Variants in RPH3AL observed in about 807,000 individuals in gnomAD.
RPH3AL encodes the protein rab effector Noc2.
In RPH3AL, 38 loss-of-function variants were observed where a neutral mutation model predicts 43.1. That is an observed-to-expected ratio of 0.88 (90% CI 0.68 to 1.15). The LOEUF (loss-of-function observed/expected upper bound fraction) is 1.15, where lower values mean the gene tolerates loss of function less well. RPH3AL is among the 50% of genes most tolerant of loss of function. The pLI is 0.00. For missense variants in RPH3AL, 462 were observed against 423.2 expected, an observed-to-expected ratio of 1.09 and a Z score of -0.81; for synonymous variants, 189 against 176.3, an observed-to-expected ratio of 1.07 and a Z score of -0.57.
At chr17:301,263 T>C (rs1025502017) in intron 5 of RPH3AL, among the ~76,000 whole-genome samples, 1 of 152,268 alleles carries the variant, frequency 6.6e-6, no homozygotes, top group African/African-American at 2.4e-5. Context: ...CTGCTCATCT[T>C]TAGATCTCTT....
In RPH3AL at chr17:273,324, G is replaced by A. The variant is rs1297657581; in HGVS notation, c.438+8444C>T. ...AGGGAGAGACCCCAGCGAGGGTGAT[G>A]TCAGGGAGAGACCCCAGCGAGGGTG... is the stretch of plus-strand genomic sequence containing the variant. On this transcript the variant is annotated intron_variant, in intron 6 of 9. Coordinates refer to ENST00000331302, the MANE Select transcript of RPH3AL (RefSeq NM_006987.4). Among the ~76,000 whole-genome samples the A allele has an allele frequency of 1.2e-4, 6 of 50,164 alleles. No individual in the cohort carries two copies. In the Admixed American group the frequency reaches 1.2e-3, roughly 10 times the overall value. 32.9% of individuals were successfully genotyped at this position (50,164 alleles called of 152,430 possible). A position where few individuals can be genotyped will look rare whatever the true frequency, so the allele number is the denominator to read the frequency against.
chr17:244,055 AC>A (rs1465931372), intron 7 of RPH3AL, among the ~76,000 whole-genome samples: 16 of 136,774 alleles, frequency 1.2e-4, no homozygotes, highest in Non-Finnish European at 2.1e-4. Flanking sequence ...TCTATTGATT[AC>A]CCTTCCTCTA....
At chr17:253,283 G>C (rs2041957723) in intron 6 of RPH3AL, among the ~76,000 whole-genome samples, 1 of 152,146 alleles carries the variant, frequency 6.6e-6, no homozygotes, top group Non-Finnish European at 1.5e-5. Context: ...ACGGGGAGTG[G>C]CCAGGTTGAT....
intron 2 of RPH3AL, chr17:332,278 G>A (rs1249859408): frequency 4.2e-6 from 1 of 236,966 alleles, no homozygotes; most frequent in Non-Finnish European, 7.8e-6. Context: ...GGAAGGAGGA[G>A]CGTGTGTGTG....
chr17:237,042 C>T (rs983476761), intron 7 of RPH3AL, among the ~76,000 whole-genome samples: 13 of 152,090 alleles, frequency 8.5e-5, no homozygotes, highest in African/African-American at 2.7e-4. Context: ...AGTCACAGAG[C>T]GCTGGGGCTA....
intron 6 of RPH3AL, among the ~76,000 whole-genome samples, chr17:268,670 C>G (rs2042382347): frequency 6.8e-6 from 1 of 147,118 alleles, no homozygotes; most frequent in Non-Finnish European, 1.5e-5. Context: ...AAGCAATCCT[C>G]CGACCTCAGC....
At chr17:261,570 A>G (rs1453653841) in intron 6 of RPH3AL, 3 of 152,238 alleles carry the variant, frequency 2.0e-5, no homozygotes, top group South Asian at 2.1e-4. Flanking sequence ...TACCATGGAA[A>G]AGATAGGCCA....
chr17:260,786 C>T (rs901273203), intron 6 of RPH3AL, among the ~76,000 whole-genome samples: 8 of 152,120 alleles, frequency 5.3e-5, no homozygotes, highest in Admixed American at 1.3e-4. Flanking sequence ...ACCCCAGGAC[C>T]CAGCCTCCCT....
In RPH3AL at chr17:246,542, A is replaced by T. The variant is rs887863722; in HGVS notation, c.613+569T>A. ...GAAATAAAACCACAAACATCAAAGCATCATGAAAGCTGCGGAGAACGGTCC... is the reference window on the plus strand; with the variant it reads ...GAAATAAAACCACAAACATCAAAGCTTCATGAAAGCTGCGGAGAACGGTCC... On this transcript the variant is annotated intron_variant, in intron 7 of 9. Transcript: ENST00000331302. The surrounding 1 kb of genome is among the most constrained non-coding windows in gnomAD (Gnocchi z 4.8). 1.3e-5 allele frequency among the ~76,000 whole-genome samples: 2 copies of T among 152,176 alleles called. No homozygotes were observed. Among genetic ancestry groups the T allele is most frequent in the African/African-American group, 4.8e-5 (2 of 41,452 alleles).
In RPH3AL at chr17:322,818, C is replaced by T. The variant is rs1158029034; in HGVS notation, c.78-1403G>A. On this transcript the variant is annotated intron_variant, in intron 3 of 9. Coordinates refer to ENST00000331302, the MANE Select transcript of RPH3AL (RefSeq NM_006987.4). This position sits in a 1 kb window ranked among gnomAD's most constrained non-coding sequence, Gnocchi z 4.0. ...ACAATAGGAGTTTGGAAAGCTAATA[C>T]GCATATCCTTTCTCTGTCAGGGGGA... Among the ~76,000 whole-genome samples the T allele has an allele frequency of 6.6e-6, 1 of 152,102 alleles. No homozygotes were observed. The highest frequency in any genetic ancestry group is 1.9e-4 in the East Asian group (1 of 5,184).
chr17:252,781 G>A (rs532721607), intron 6 of RPH3AL, among the ~76,000 whole-genome samples: 12 of 152,234 alleles, frequency 7.9e-5, no homozygotes, highest in South Asian at 4.2e-4. Context: ...GAATTTTTCC[G>A]AATTTTAGAA....
chr17:296,133 T>C (rs2043172756), intron 5 of RPH3AL, among the ~76,000 whole-genome samples: 1 of 131,512 alleles, frequency 7.6e-6, no homozygotes, highest in Non-Finnish European at 1.6e-5. Context: ...ACAGAGGGAA[T>C]GCACATCAGT....
Position 290,274 on chromosome 17 carries a change from C to T in RPH3AL, c.352-8420G>A, listed in dbSNP as rs1196478331. ...GGCCAAACCAGGGAGAGCCACACAG[C>T]GGGCAAGTGTCCGAGGAGGTGGGGT... On this transcript the variant is annotated intron_variant, in intron 5 of 9. Coordinates refer to ENST00000331302, the MANE Select transcript of RPH3AL (RefSeq NM_006987.4). This position sits in a 1 kb window ranked among gnomAD's most constrained non-coding sequence, Gnocchi z 4.2. Among the ~76,000 whole-genome samples, 7 of 152,168 alleles carry T rather than the reference C, an allele frequency of 4.6e-5. No individual in the cohort carries two copies. The highest frequency in any genetic ancestry group is 1.3e-4 in the Admixed American group (2 of 15,284).
intron 6 of RPH3AL, among the ~76,000 whole-genome samples, chr17:256,302 G>T (rs2042051234): frequency 4.4e-5 from 2 of 45,656 alleles, no homozygotes; most frequent in African/African-American, 1.1e-4. Context: ...ACTACCCTAC[G>T]TACTTCCTAT....
chr17:340,358 A>C (rs2045079488), intron 1 of RPH3AL, among the ~76,000 whole-genome samples: 10 of 147,592 alleles, frequency 6.8e-5, no homozygotes, highest in Non-Finnish European at 1.0e-4. Context: ...CCCCACATCC[A>C]CACTCACTGC....
intron 5 of RPH3AL, among the ~76,000 whole-genome samples, chr17:310,907 C>G (rs1041047008): frequency 6.6e-6 from 1 of 152,118 alleles, no homozygotes; most frequent in Non-Finnish European, 1.5e-5. Flanking sequence ...GCCACCACCC[C>G]CTACAGCAGG....
At chr17:281,900 T>G in intron 5 of RPH3AL, 46 bp from the exon 6 acceptor site, 1 of 1,469,212 alleles carries the variant, frequency 6.8e-7, no homozygotes, top group Non-Finnish European at 9.5e-7. Flanking sequence ...AGCCGCTTCC[T>G]CCTCCGCCGA....
chr17:275,603 A>C (rs941954269), intron 6 of RPH3AL, among the ~76,000 whole-genome samples: 3 of 152,162 alleles, frequency 2.0e-5, no homozygotes, highest in Admixed American at 1.3e-4. Context: ...GCTGGAGTAC[A>C]TTGGTGCAAT....
At chr17:242,657 G>C (rs1304162357) in intron 7 of RPH3AL, among the ~76,000 whole-genome samples, 1 of 137,076 alleles carries the variant, frequency 7.3e-6, no homozygotes, top group Non-Finnish European at 1.6e-5. Context: ...TTCCTCTATT[G>C]ACTACCTTCC....
Sources: gnomAD v4.1 joint callset for allele counts (sites outside exome capture counted in the v4.1 genomes callset) on GRCh38, gnomAD v4.1.1 for gene constraint, Gnocchi (gnomAD v3.1) non-coding constraint, MANE v1.5 for transcripts, NCBI Gene and HGNC (gene_info 2026-07-23, HGNC 2026-07-21) for gene names.